RBFOX1: variants seen among roughly 807,000 people sequenced by gnomAD.
RBFOX1 encodes RNA binding protein fox-1 homolog 1.
RBFOX1 carries 8 observed loss-of-function variants against 57.7 expected under a neutral mutation model. That is an observed-to-expected ratio of 0.14 (90% CI 0.08 to 0.25). RBFOX1 has a LOEUF of 0.25. Ranked by LOEUF, RBFOX1 falls within the 10% of genes least tolerant of loss-of-function variation. The pLI is 1.00. For synonymous variants in RBFOX1, 326 were observed against 222.4 expected, an observed-to-expected ratio of 1.47 and a Z score of -4.15; for missense variants, 611 against 548.5, an observed-to-expected ratio of 1.11 and a Z score of -1.14.
intron 3 of RBFOX1, among the ~76,000 whole-genome samples, chr16:6,720,102 AAAATAAAT>A (rs946826823): frequency 1.3e-5 from 2 of 152,094 alleles, no homozygotes; most frequent in African/African-American, 4.8e-5. Context: ...TGAAAAGAAT[AAAATAAAT>A]AAATAAATAA....
At chr16:6,652,864 G>A (rs1217358333) in intron 2 of RBFOX1, among the ~76,000 whole-genome samples, 2 of 152,128 alleles carry the variant, frequency 1.3e-5, no homozygotes, top group Non-Finnish European at 2.9e-5. Flanking sequence ...TATGGGTAAT[G>A]CCCCAGAACT....
At chr16:6,821,128 G>A (rs2091222215) in intron 3 of RBFOX1, among the ~76,000 whole-genome samples, 2 of 152,164 alleles carry the variant, frequency 1.3e-5, no homozygotes, top group African/African-American at 2.4e-5. Flanking sequence ...CAATAGTGAT[G>A]AGATTCAGTG....
chr16:7,081,753 C>A (rs532506683), intron 4 of RBFOX1, among the ~76,000 whole-genome samples: 3 of 152,044 alleles, frequency 2.0e-5, no homozygotes, highest in Non-Finnish European at 4.4e-5. Context: ...ATACTGATCA[C>A]CCTGGCCTTG....
chr16:7,041,267 C>G (rs1306508422), intron 3 of RBFOX1, among the ~76,000 whole-genome samples: 2 of 151,846 alleles, frequency 1.3e-5, no homozygotes, highest in Non-Finnish European at 2.9e-5. Flanking sequence ...CACAGTGGCA[C>G]CCATTTGTTT....
At chr16:5,834,926 C>T (rs187816997) in intron 3 of RBFOX1, among the ~76,000 whole-genome samples, 19 of 152,262 alleles carry the variant, frequency 1.2e-4, no homozygotes, top group Middle Eastern at 3.4e-3. Context: ...ACCTGCATAG[C>T]GTTTTCCACA....
chr16:6,542,766 A>C (rs988634633), intron 2 of RBFOX1, among the ~76,000 whole-genome samples: 1 of 151,952 alleles, frequency 6.6e-6, no homozygotes, highest in African/African-American at 2.4e-5. Flanking sequence ...TGCTGGGATT[A>C]CAGGTGTGAA....
At chr16:7,360,441 A>G (rs968928252) in intron 4 of RBFOX1, among the ~76,000 whole-genome samples, 1 of 152,142 alleles carries the variant, frequency 6.6e-6, no homozygotes, top group African/African-American at 2.4e-5. Context: ...GTGTGTGAAT[A>G]TTAGCGAGAA....
At chr16:7,476,654 G>C (rs761192840) in intron 4 of RBFOX1, among the ~76,000 whole-genome samples, 1 of 151,990 alleles carries the variant, frequency 6.6e-6, no homozygotes, top group African/African-American at 2.4e-5. Flanking sequence ...TTCACCTTTG[G>C]GGCACATTCT....
At chr16:6,604,334 C>G (rs759442397) in intron 2 of RBFOX1, among the ~76,000 whole-genome samples, 1 of 152,014 alleles carries the variant, frequency 6.6e-6, no homozygotes, top group African/African-American at 2.4e-5. Context: ...ACAGCATTTT[C>G]TTATTTTTTT....
At chr16:7,268,143 C>T (rs1048308457) in intron 4 of RBFOX1, among the ~76,000 whole-genome samples, 1 of 152,128 alleles carries the variant, frequency 6.6e-6, no homozygotes, top group African/African-American at 2.4e-5. Flanking sequence ...CCCTGCACCT[C>T]AATATAGCTA....
intron 2 of RBFOX1, among the ~76,000 whole-genome samples, chr16:6,490,083 A>G (rs2095597943): frequency 6.6e-6 from 1 of 152,198 alleles, no homozygotes; most frequent in East Asian, 1.9e-4. Flanking sequence ...ATCTCAGCTA[A>G]TGCCAGGCTG....
At chr16:5,745,695 A>G (rs1555514936) in intron 3 of RBFOX1, among the ~76,000 whole-genome samples, 3 of 152,204 alleles carry the variant, frequency 2.0e-5, no homozygotes, top group Non-Finnish European at 4.4e-5. Flanking sequence ...ATGGCCAGTG[A>G]TGATGAGCAT....
intron 2 of RBFOX1, among the ~76,000 whole-genome samples, chr16:5,544,442 G>A (rs1051936885): frequency 6.6e-6 from 1 of 152,094 alleles, no homozygotes; most frequent in African/African-American, 2.4e-5. Flanking sequence ...GTATATAGCA[G>A]TCATTAGAGA....
chr16:7,142,188 C>T (rs1007989029), intron 4 of RBFOX1, among the ~76,000 whole-genome samples: 2 of 151,914 alleles, frequency 1.3e-5, no homozygotes, highest in Non-Finnish European at 2.9e-5. Flanking sequence ...CACACCTGAC[C>T]AATTTCTGTA....
intron 4 of RBFOX1, among the ~76,000 whole-genome samples, chr16:7,161,271 C>G (rs1224405906): frequency 6.6e-6 from 1 of 151,506 alleles, no homozygotes; most frequent in Non-Finnish European, 1.5e-5. Context: ...TCTGCTGTGA[C>G]CATGAGATAG....
chr16:5,863,673 C>T (rs1436384), intron 3 of RBFOX1, among the ~76,000 whole-genome samples: 14,354 of 152,180 alleles, frequency 0.094, 747 homozygotes, highest in East Asian at 0.19. Context: ...AGAGGGGCCT[C>T]AGTAAAGTTT....
chr16:6,444,560 G>A (rs1402331179), intron 2 of RBFOX1, among the ~76,000 whole-genome samples: 5 of 152,084 alleles, frequency 3.3e-5, no homozygotes, highest in African/African-American at 4.8e-5. Flanking sequence ...TGTAAGACGT[G>A]ACTTATTCCT....
intron 4 of RBFOX1, among the ~76,000 whole-genome samples, chr16:6,010,196 A>G (rs911050998): frequency 6.6e-6 from 1 of 152,066 alleles, no homozygotes; most frequent in Admixed American, 6.5e-5. Context: ...TCAGCACCTG[A>G]CAACTCTCTT....
At chr16:7,327,261 G>A (rs549045578) in intron 4 of RBFOX1, among the ~76,000 whole-genome samples, 2 of 152,308 alleles carry the variant, frequency 1.3e-5, no homozygotes, top group South Asian at 4.1e-4. Flanking sequence ...ATGGAAAAGT[G>A]GATTCACAGA....
Sources: gnomAD v4.1 joint callset for allele counts (sites outside exome capture counted in the v4.1 genomes callset) on GRCh38, gnomAD v4.1.1 for gene constraint, MANE v1.5 for transcripts, NCBI Gene and HGNC (gene_info 2026-07-23, HGNC 2026-07-21) for gene names.